The following PTPRD variants were observed in gnomAD, a reference collection of about 807,000 sequenced individuals.
PTPRD encodes protein tyrosine phosphatase receptor type D.
PTPRD carries 34 observed loss-of-function variants against 214.5 expected under a neutral mutation model. That is an observed-to-expected ratio of 0.16 (90% confidence interval 0.12 to 0.21). The LOEUF (loss-of-function observed/expected upper bound fraction) is 0.21, where lower values mean the gene tolerates loss of function less well. Among genes scored for constraint, PTPRD ranks in the 10% least tolerant of loss-of-function variants. The probability of loss-of-function intolerance (pLI) is 1.00; values close to 1 mark genes in which losing one functional copy is unlikely to be tolerated. For missense variants in PTPRD, 2,545 were observed against 2,398.7 expected, an observed-to-expected ratio of 1.06 and a Z score of -1.27; for synonymous variants, 1,128 against 845.7, an observed-to-expected ratio of 1.33 and a Z score of -5.79.
intron 5 of PTPRD, among the ~76,000 whole-genome samples, chr9:9,840,841 T>C (rs1038258943): frequency 2.4e-4 from 36 of 149,192 alleles, no homozygotes; most frequent in African/African-American, 7.7e-4. Flanking sequence ...AATCTATGTA[T>C]GTATTTATTT....
At chr9:8,939,308 G>C (rs1038349902) in intron 11 of PTPRD, among the ~76,000 whole-genome samples, 3 of 152,068 alleles carry the variant, frequency 2.0e-5, no homozygotes, top group African/African-American at 4.8e-5. Flanking sequence ...AAAATACCTA[G>C]AACATTTTTA....
chr9:9,781,895 C>T (rs1460701926), intron 5 of PTPRD, among the ~76,000 whole-genome samples: 1 of 152,008 alleles, frequency 6.6e-6, no homozygotes, highest in Admixed American at 6.6e-5. Flanking sequence ...CGAGTTCACG[C>T]CATTCTCCTG....
chr9:9,905,341 A>C (rs1363170267), intron 5 of PTPRD, among the ~76,000 whole-genome samples: 1 of 152,074 alleles, frequency 6.6e-6, no homozygotes, highest in South Asian at 2.1e-4. Context: ...TAATTAGCTC[A>C]ATTGTTGTTA....
At chr9:9,750,978 AG>A (rs1380571602) in intron 6 of PTPRD, among the ~76,000 whole-genome samples, 2 of 152,096 alleles carry the variant, frequency 1.3e-5, no homozygotes, top group Non-Finnish European at 2.9e-5. Flanking sequence ...TCATCACTGG[AG>A]AAAGAAATCA....
intron 9 of PTPRD, among the ~76,000 whole-genome samples, chr9:9,395,835 G>A (rs574395927): frequency 9.9e-5 from 15 of 152,026 alleles, no homozygotes; most frequent in Non-Finnish European, 1.8e-4. Flanking sequence ...TAATAATGAC[G>A]ATAACGTCTA....
chr9:9,431,230 A>G (rs2082978730), intron 8 of PTPRD, among the ~76,000 whole-genome samples: 1 of 152,236 alleles, frequency 6.6e-6, no homozygotes, highest in Admixed American at 6.5e-5. Flanking sequence ...AACCCCGTCA[A>G]AAAGTAGGCG....
chr9:8,544,407 G>T (rs1461370155), intron 14 of PTPRD, among the ~76,000 whole-genome samples: 1 of 150,262 alleles, frequency 6.7e-6, no homozygotes, highest in African/African-American at 2.5e-5. Context: ...TGGTAAAACA[G>T]CAGTTGCTTT....
intron 7 of PTPRD, among the ~76,000 whole-genome samples, chr9:9,575,785 G>GA (rs35252772): frequency 0.013 from 1,475 of 110,354 alleles, 22 homozygotes; most frequent in African/African-American, 0.043. Context: ...GAAAGAAAAA[G>GA]AAAAAAAAAA....
At chr9:10,065,581 C>G (rs891230757) in intron 3 of PTPRD, among the ~76,000 whole-genome samples, 1 of 151,816 alleles carries the variant, frequency 6.6e-6, no homozygotes, top group African/African-American at 2.4e-5. Flanking sequence ...TTTGTGTTCC[C>G]TAGGGCCTGA....
At chr9:9,321,787 G>C (rs1210909154) in intron 9 of PTPRD, among the ~76,000 whole-genome samples, 1 of 152,114 alleles carries the variant, frequency 6.6e-6, no homozygotes, top group Admixed American at 6.5e-5. Context: ...CAGGGTCTAT[G>C]TCATATGGTT....
intron 3 of PTPRD, among the ~76,000 whole-genome samples, chr9:10,224,432 A>C (rs77297096): frequency 0.014 from 2,103 of 152,084 alleles, 49 homozygotes; most frequent in African/African-American, 0.048. Flanking sequence ...ATATGCATAC[A>C]TGTGCCATCT....
At chr9:10,578,063 TCA>T (rs2070161902) in intron 2 of PTPRD, among the ~76,000 whole-genome samples, 1 of 151,762 alleles carries the variant, frequency 6.6e-6, no homozygotes, top group Admixed American at 6.6e-5. Flanking sequence ...AGGTGCACCA[TCA>T]CACCTGGCTA....
intron 2 of PTPRD, among the ~76,000 whole-genome samples, chr9:10,476,540 T>C (rs2099063659): frequency 6.6e-6 from 1 of 152,152 alleles, no homozygotes. Context: ...GAAGAATCAA[T>C]ATTGTGAAAA....
At chr9:10,531,788 C>T (rs1273250696) in intron 2 of PTPRD, among the ~76,000 whole-genome samples, 1 of 152,138 alleles carries the variant, frequency 6.6e-6, no homozygotes, top group Non-Finnish European at 1.5e-5. Flanking sequence ...ACAATTGTAG[C>T]TTTGCTGCAA....
chr9:9,187,277 T>G (rs2131655481), intron 9 of PTPRD, among the ~76,000 whole-genome samples: 1 of 152,190 alleles, frequency 6.6e-6, no homozygotes, highest in South Asian at 2.1e-4. Flanking sequence ...ATTAGGAAGC[T>G]TTCATTCTCT....
chr9:9,558,167 C>T (rs189940921), intron 8 of PTPRD, among the ~76,000 whole-genome samples: 67 of 152,268 alleles, frequency 4.4e-4, no homozygotes, highest in Non-Finnish European at 7.4e-5. Context: ...CATGTCAAGC[C>T]ATGTTGAGCC....
chr9:8,500,472 C>A (rs7035558), intron 24 of PTPRD, among the ~76,000 whole-genome samples: 1 of 145,868 alleles, frequency 6.9e-6, no homozygotes, highest in African/African-American at 2.5e-5. Context: ...TAGATGGAGG[C>A]ACAGAGACGG....
chr9:8,524,599 G>GA (rs564495897), intron 18 of PTPRD, among the ~76,000 whole-genome samples: 1 of 151,406 alleles, frequency 6.6e-6, no homozygotes, highest in Non-Finnish European at 1.5e-5. Context: ...AGAAACAACA[G>GA]AAAAAAAGAG....
At chr9:10,318,149 G>T (rs772200480) in intron 3 of PTPRD, among the ~76,000 whole-genome samples, 2 of 151,934 alleles carry the variant, frequency 1.3e-5, no homozygotes, top group Non-Finnish European at 2.9e-5. Context: ...CAATATGGAG[G>T]CTTGCTCTTC....
Sources: allele counts gnomAD v4.1 joint callset (sites outside exome capture counted in the v4.1 genomes callset), GRCh38; gene constraint gnomAD v4.1.1; transcripts MANE v1.5; gene names NCBI Gene and HGNC (gene_info 2026-07-23, HGNC 2026-07-21).